EYA1: variants seen among roughly 807,000 people sequenced by gnomAD.
EYA1 encodes EYA transcriptional coactivator and phosphatase 1.
A neutral mutation model predicts 82.0 loss-of-function variants in EYA1; 16 were observed. The ratio of observed to expected loss-of-function variants is 0.20; its 90% CI spans 0.13 to 0.30. The LOEUF is 0.30. Among genes scored for constraint, EYA1 ranks in the 10% least tolerant of loss-of-function variants. The probability of loss-of-function intolerance (pLI) is 1.00; values close to 1 mark genes in which losing one functional copy is unlikely to be tolerated. For synonymous variants in EYA1, 261 were observed against 264.4 expected, an observed-to-expected ratio of 0.99 and a Z score of 0.12; for missense variants, 633 against 730.7, an observed-to-expected ratio of 0.87 and a Z score of 1.54.
intron 2 of EYA1, among the ~76,000 whole-genome samples, chr8:71,405,270 A>C (rs1830157735): frequency 6.6e-6 from 1 of 151,866 alleles, no homozygotes; most frequent in Non-Finnish European, 1.5e-5. Context: ...ACAACAACAA[A>C]CAAGAGATGC....
chr8:71,540,736 T>C (rs1036321427), intron 1 of EYA1, among the ~76,000 whole-genome samples: 20 of 152,340 alleles, frequency 1.3e-4, no homozygotes, highest in Non-Finnish European at 2.1e-4. Flanking sequence ...TGGAAATAAC[T>C]TGTGGCTCCT....
intron 12 of EYA1, among the ~76,000 whole-genome samples, chr8:71,231,340 A>G (rs1446978154): frequency 6.6e-6 from 1 of 152,114 alleles, no homozygotes; most frequent in Non-Finnish European, 1.5e-5. Flanking sequence ...AGTGTGCAAA[A>G]CCTTTGATGA....
intron 2 of EYA1, among the ~76,000 whole-genome samples, chr8:71,410,116 A>G (rs552972350): frequency 6.4e-4 from 97 of 152,016 alleles, no homozygotes; most frequent in African/African-American, 2.2e-3. Flanking sequence ...AAACAGAGCC[A>G]AAGACAAAAA....
intron 2 of EYA1, chr8:71,529,681 C>T (rs2129281457): frequency 6.6e-6 from 1 of 152,246 alleles, no homozygotes; most frequent in African/African-American, 2.4e-5. Context: ...CAGGACCGGT[C>T]AGAGGTTTTC....
intron 3 of EYA1, among the ~76,000 whole-genome samples, chr8:71,336,147 A>G (rs1364292088): frequency 1.3e-5 from 2 of 152,228 alleles, no homozygotes; most frequent in Non-Finnish European, 2.9e-5. Flanking sequence ...GGCAGAAATA[A>G]GATTTAACTT....
intron 12 of EYA1, among the ~76,000 whole-genome samples, chr8:71,227,526 T>C (rs1263457420): frequency 1.3e-5 from 2 of 152,222 alleles, no homozygotes; most frequent in East Asian, 3.8e-4. Flanking sequence ...GGCTTTCTTT[T>C]AACTTTCATG....
intron 2 of EYA1, chr8:71,470,718 C>T (rs1289006336): frequency 9.3e-6 from 3 of 322,130 alleles, no homozygotes; most frequent in East Asian, 9.4e-5. Flanking sequence ...CATGTTTTTC[C>T]TAAACACTCA....
At chr8:71,408,319 G>A (rs913946331) in intron 2 of EYA1, among the ~76,000 whole-genome samples, 20 of 151,548 alleles carry the variant, frequency 1.3e-4, no homozygotes, top group African/African-American at 4.4e-4. Context: ...ATCAACTAAC[G>A]AGCAAAAACA....
intron 2 of EYA1, among the ~76,000 whole-genome samples, chr8:71,513,939 G>A (rs1223385252): frequency 6.6e-6 from 1 of 152,070 alleles, no homozygotes; most frequent in African/African-American, 2.4e-5. Flanking sequence ...GTGAGATCCT[G>A]TCATTTGCAA....
intron 11 of EYA1, among the ~76,000 whole-genome samples, chr8:71,253,863 T>C (rs1814050272): frequency 6.6e-6 from 1 of 152,102 alleles, no homozygotes; most frequent in Admixed American, 6.5e-5. Flanking sequence ...GCAATAATAC[T>C]GTAGAGCTAT....
At chr8:71,214,894 C>T (rs965898786) in intron 16 of EYA1, among the ~76,000 whole-genome samples, 6 of 152,150 alleles carry the variant, frequency 3.9e-5, no homozygotes, top group African/African-American at 1.4e-4. Context: ...TATTTTCCTC[C>T]CAACTATGTT....
intron 6 of EYA1, among the ~76,000 whole-genome samples, 154 bp downstream of exon 6, chr8:71,321,580 T>C (rs1822551898): frequency 6.6e-6 from 1 of 152,234 alleles, no homozygotes; most frequent in African/African-American, 2.4e-5. Context: ...GTTCTTATAA[T>C]GCTCTTTAGA....
At chr8:71,252,207 C>T (rs929406713) in intron 11 of EYA1, among the ~76,000 whole-genome samples, 2 of 151,934 alleles carry the variant, frequency 1.3e-5, no homozygotes, top group Admixed American at 1.3e-4. Context: ...TACCAAGACT[C>T]TCACACACAC....
At chr8:71,463,762 C>T (rs1171704226) in intron 2 of EYA1, among the ~76,000 whole-genome samples, 1 of 151,780 alleles carries the variant, frequency 6.6e-6, no homozygotes, top group East Asian at 1.9e-4. Context: ...TACCGGTCTG[C>T]CACAGTTGTC....
At chr8:71,516,481 C>A (rs1015468903) in intron 2 of EYA1, among the ~76,000 whole-genome samples, 5 of 152,116 alleles carry the variant, frequency 3.3e-5, no homozygotes, top group Admixed American at 6.6e-5. Context: ...AGAAGTCACA[C>A]AGTATATATG....
At chr8:71,385,616 G>A (rs188967136) in intron 2 of EYA1, among the ~76,000 whole-genome samples, 1 of 152,282 alleles carries the variant, frequency 6.6e-6, no homozygotes, top group East Asian at 1.9e-4. Context: ...TAATGTCCCT[G>A]TTCTACAGAT....
chr8:71,502,924 T>C (rs925187073), intron 2 of EYA1, among the ~76,000 whole-genome samples: 2 of 152,132 alleles, frequency 1.3e-5, no homozygotes, highest in Admixed American at 6.5e-5. Flanking sequence ...GAATGGTGAG[T>C]TCCACTCTGC....
At chr8:71,513,657 G>A (rs1022629331) in intron 2 of EYA1, among the ~76,000 whole-genome samples, 22 of 151,880 alleles carry the variant, frequency 1.4e-4, no homozygotes, top group Admixed American at 3.3e-4. Context: ...AGTTATCATT[G>A]ACTATAGTCA....
intron 16 of EYA1, among the ~76,000 whole-genome samples, chr8:71,212,669 A>G (rs1808665362): frequency 1.3e-5 from 2 of 152,214 alleles, no homozygotes; most frequent in Non-Finnish European, 2.9e-5. Flanking sequence ...GAAGTTAACT[A>G]TTAGTTTTAT....
Sources: allele counts gnomAD v4.1 joint callset (sites outside exome capture counted in the v4.1 genomes callset), GRCh38; gene constraint gnomAD v4.1.1; transcripts MANE v1.5; gene names NCBI Gene and HGNC (gene_info 2026-07-23, HGNC 2026-07-21).